The following PNPLA7 variants were observed in gnomAD, a reference collection of about 807,000 sequenced individuals.
PNPLA7 encodes patatin like domain 7, lysophospholipase.
PNPLA7 carries 153 observed loss-of-function variants against 161.7 expected under a neutral mutation model. The ratio of observed to expected loss-of-function variants is 0.95; its 90% CI spans 0.83 to 1.08. The LOEUF is 1.08. Among genes scored for constraint, PNPLA7 ranks in the 50% least tolerant of loss-of-function variants. The pLI is 0.00. For synonymous variants in PNPLA7, 809 were observed against 782.1 expected (o/e 1.03, Z -0.57); for missense variants, 1,739 against 1,856.6 (o/e 0.94, Z 1.16).
chr9:137,507,796 G>A (rs939322714), intron 12 of PNPLA7, among the ~76,000 whole-genome samples: 2 of 152,188 alleles, frequency 1.3e-5, no homozygotes, highest in African/African-American at 2.4e-5. Flanking sequence ...GTATGCACCT[G>A]TGGTCCTTGC....
rs765943733 is a variant in PNPLA7 at position 137,460,372 on chromosome 9, C to T, written c.*21G>A. ...ACAGTCCCACGGAAGACGCTGCATC[C>T]GGGCTCTTTAGCAGAGGCCTCTACC... is the stretch of plus-strand genomic sequence containing the variant. On this transcript the variant is annotated 3_prime_UTR_variant, in exon 35 of 35. Coordinates refer to ENST00000406427, the MANE Select transcript of PNPLA7 (RefSeq NM_001098537.3). 4 of 1,605,614 alleles carry T rather than the reference C, an allele frequency of 2.5e-6. No individual in the cohort carries two copies. The highest frequency in any genetic ancestry group is 3.4e-6 in the Non-Finnish European group (4 of 1,174,728).
intron 23 of PNPLA7, chr9:137,479,586 A>T (rs756246922): frequency 3.1e-4 from 306 of 985,368 alleles, no homozygotes; most frequent in Non-Finnish European, 3.6e-4. Context: ...GAACAGGAAC[A>T]TACATCAGAG....
chr9:137,498,262 A>G lies in PNPLA7; in HGVS notation c.1758-17T>C. ...CGCATGATTCTGCCGGGCAGCCCAGAGTCAATCCTGCCCCATCCCTCCAAC... is the reference window on the plus strand; with the variant it reads ...CGCATGATTCTGCCGGGCAGCCCAGGGTCAATCCTGCCCCATCCCTCCAAC... On this transcript the variant is annotated splice_polypyrimidine_tract_variant and intron_variant, in intron 16 of 34. Coordinates refer to ENST00000406427, the MANE Select transcript of PNPLA7 (RefSeq NM_001098537.3). The G allele has an allele frequency of 6.2e-7, 1 of 1,608,114 alleles. No individual in the cohort carries two copies. Among genetic ancestry groups the G allele is most frequent in the Non-Finnish European group, 8.5e-7 (1 of 1,179,864 alleles).
Position 137,463,423 on chromosome 9 carries a change from T to A in PNPLA7, c.3335A>T (p.Asn1112Ile). 1 of 1,601,854 alleles carries A rather than the reference T, an allele frequency of 6.2e-7. No individual in the cohort carries two copies. The highest frequency in any genetic ancestry group is 8.5e-7 in the Non-Finnish European group (1 of 1,174,082). Residue 1112 changes from asparagine (N) to isoleucine (I), a missense_variant, in exon 29 of 35, where the codon AAC becomes ATC. Around this residue, in one of 6 missense-constraint regions of PNPLA7, gnomAD observed 703 missense variants for 694.6 expected, o/e 1.01. Transcript: ENST00000406427. ...TCCCCCCACCGCAGTACCTGGGAGG[T>A]TGTTGATGTAGCCCCCGTCCATCAG... ...HLLMDGGYINNLPADVARSMG... is the reference protein window; with the variant it reads ...HLLMDGGYINILPADVARSMG...
At chr9:137,515,607 G>T in intron 11 of PNPLA7, 88 bp from the exon 12 acceptor site, 1 of 1,423,114 alleles carries the variant, frequency 7.0e-7, no homozygotes. Context: ...AGGGAGCAGG[G>T]TCCCCACAGT....
chr9:137,475,692 T>A lies in PNPLA7; in HGVS notation c.2882+2342A>T, dbSNP rs546065846. Among the ~76,000 whole-genome samples the A allele has an allele frequency of 1.3e-3, 190 of 147,520 alleles. 2 individuals carry two copies. Among genetic ancestry groups the A allele is most frequent in the South Asian group, 7.0e-3 (30 of 4,264 alleles). The stretch of plus-strand genomic sequence containing the variant: ...CCTGGCTGAGAACCTGTTTTTTTTT[T>A]AAAAAAAAAGAATCTCCTACGAGGT... On this transcript the variant is annotated intron_variant, in intron 25 of 34. Transcript: ENST00000406427.
Position 137,541,478 on chromosome 9 carries a change from G to A in PNPLA7, c.667-756C>T, listed in dbSNP as rs1239137419. The A allele has an allele frequency of 6.1e-6, 6 of 985,354 alleles. No homozygotes were observed. The highest frequency in any genetic ancestry group is 2.3e-4 in the East Asian group (2 of 8,830). The allele number at this position is 985,354 out of a possible 1,614,324, so 61.0% of individuals were successfully genotyped here. A position where few individuals can be genotyped will look rare whatever the true frequency, so the allele number is the denominator to read the frequency against. On this transcript the variant is annotated intron_variant, in intron 7 of 34. Transcript: ENST00000406427. The surrounding 1 kb of genome is among the most constrained non-coding windows in gnomAD (Gnocchi z 4.4). ...TCTAGAAACCCCGACAGGCAGTGCCGGAGCTGGCGTGGGATCACAGCCCAC... is the reference window on the plus strand; with the variant it reads ...TCTAGAAACCCCGACAGGCAGTGCCAGAGCTGGCGTGGGATCACAGCCCAC...
At chr9:137,532,755 C>A (rs1384661576) in intron 8 of PNPLA7, among the ~76,000 whole-genome samples, 1 of 152,152 alleles carries the variant, frequency 6.6e-6, no homozygotes, top group Non-Finnish European at 1.5e-5. Flanking sequence ...CCCCAAGTCA[C>A]TTTCCTGACC....
At chr9:137,463,386 TGCC>T in intron 29 of PNPLA7, 26 bp downstream of exon 29, 1 of 1,566,304 alleles carries the variant, frequency 6.4e-7, no homozygotes, top group Non-Finnish European at 8.7e-7. Flanking sequence ...CCTGTGCTCC[TGCC>T]GGGCGTGGTC....
intron 21 of PNPLA7, among the ~76,000 whole-genome samples, chr9:137,481,967 G>A (rs1273967046): frequency 6.6e-6 from 1 of 152,186 alleles, no homozygotes; most frequent in African/African-American, 2.4e-5. Flanking sequence ...TCAGATCAAT[G>A]TGTCTCGTGC....
chr9:137,505,340 G>A (rs1833857064), intron 14 of PNPLA7, among the ~76,000 whole-genome samples: 1 of 152,182 alleles, frequency 6.6e-6, no homozygotes, highest in Admixed American at 6.5e-5. Flanking sequence ...TATTATTGCT[G>A]TATTAAATAT....
intron 4 of PNPLA7, among the ~76,000 whole-genome samples, chr9:137,544,048 C>T (rs773454427): frequency 1.2e-4 from 19 of 152,318 alleles, no homozygotes; most frequent in Middle Eastern, 3.4e-3. Context: ...AACAGCCAAC[C>T]CTCCAGAGCC....
In PNPLA7 at chr9:137,547,631, T is replaced by G. The variant is rs764708362; in HGVS notation, c.59A>C (p.His20Pro). 3.1e-6 allele frequency: 5 copies of G among 1,612,838 alleles called. No homozygotes were observed. Among genetic ancestry groups the G allele is most frequent in the Admixed American group, 3.3e-5 (2 of 60,004 alleles). The change falls in exon 2 of 35, where the codon CAC (histidine) becomes CCC (proline). Residue 20 changes from histidine (H) to proline (P), a missense_variant. Physicochemically the swap from His to Pro is moderately conservative, Grantham distance 77. Transcript: ENST00000406427. This position sits in a 1 kb window ranked among gnomAD's most constrained non-coding sequence, Gnocchi z 4.6. ...CTCCGTGAACCACAGTCCCCAAGAG[T>G]GCAGGGCGGTGCCCAGGCAGAAGTC... ...QADFCLGTALHSWGLWFTEEG... is the reference protein window; with the variant it reads ...QADFCLGTALPSWGLWFTEEG...
At chr9:137,461,682 C>T in intron 32 of PNPLA7, 62 bp from the exon 33 acceptor site, 1 of 1,497,566 alleles carries the variant, frequency 6.7e-7, no homozygotes, top group Non-Finnish European at 9.1e-7. Context: ...CCCCAGCCTG[C>T]TTCCTGTGGG....
chr9:137,540,753 A>G lies in PNPLA7; in HGVS notation c.667-31T>C. The G allele has an allele frequency of 6.3e-7, 1 of 1,593,344 alleles. No individual in the cohort carries two copies. The highest frequency in any genetic ancestry group is 8.5e-7 in the Non-Finnish European group (1 of 1,169,652). On this transcript the variant is annotated intron_variant, in intron 7 of 34. Transcript: ENST00000406427. The surrounding 1 kb of genome is among the most constrained non-coding windows in gnomAD (Gnocchi z 5.1). ...CTTGGAGAGCAGAGTGGGTGCCGTC[A>G]GGTCTGGGGCTGCGACCGCGGGGCC...
chr9:137,464,760 T>G, intron 26 of PNPLA7: 2 of 397,338 alleles, frequency 5.0e-6, no homozygotes, highest in Non-Finnish European at 9.4e-6. Context: ...CTCCTCGGCT[T>G]TGCCTGCTCA....
At chr9:137,538,371 C>A (rs1836005866) in intron 8 of PNPLA7, among the ~76,000 whole-genome samples, 2 of 151,926 alleles carry the variant, frequency 1.3e-5, no homozygotes, top group South Asian at 2.1e-4. Context: ...AGAGTGAGCA[C>A]CCTGGACACC....
At chr9:137,502,703 C>CG (rs1396377109) in intron 14 of PNPLA7, among the ~76,000 whole-genome samples, 3 of 11,194 alleles carry the variant, frequency 2.7e-4, no homozygotes, top group African/African-American at 1.2e-3. Flanking sequence ...GGGGGGGACG[C>CG]GGGGGACGCG....
chr9:137,529,778 C>T (rs887495760), intron 8 of PNPLA7, among the ~76,000 whole-genome samples: 8 of 151,590 alleles, frequency 5.3e-5, no homozygotes, highest in African/African-American at 1.9e-4. Flanking sequence ...CTGCCTCAGC[C>T]CCCTGAGTAG....
Sources: allele counts gnomAD v4.1 joint callset (sites outside exome capture counted in the v4.1 genomes callset), GRCh38; gene constraint gnomAD v4.1.1; regional missense constraint gnomAD v4.1.1; non-coding constraint Gnocchi (gnomAD v3.1); transcripts MANE v1.5; gene names NCBI Gene and HGNC (gene_info 2026-07-23, HGNC 2026-07-21).